GALK2: variants seen among roughly 807,000 people sequenced by gnomAD.
GALK2 encodes N-acetylgalactosamine kinase.
In GALK2, 36 loss-of-function variants were observed where a neutral mutation model predicts 52.4. That is an observed-to-expected ratio of 0.69 (90% CI 0.53 to 0.91). The LOEUF is 0.91. Among genes scored for constraint, GALK2 ranks in the 40% least tolerant of loss-of-function variants. The pLI, the probability that GALK2 is intolerant of heterozygous loss-of-function variation, is 0.00. For missense variants in GALK2, 579 were observed against 559.1 expected (o/e 1.04, Z -0.36); for synonymous variants, 176 against 199.1 (o/e 0.88, Z 0.98).
intron 3 of GALK2, among the ~76,000 whole-genome samples, chr15:49,356,188 A>T (rs2043137552): frequency 6.6e-6 from 1 of 152,168 alleles, no homozygotes; most frequent in South Asian, 2.1e-4. Context: ...TCAACTAACG[A>T]GCAAAATAAC....
intron 5 of GALK2, among the ~76,000 whole-genome samples, chr15:49,257,351 C>T (rs1257185828): frequency 6.6e-6 from 1 of 152,124 alleles, no homozygotes; most frequent in East Asian, 1.9e-4. Flanking sequence ...CTTACATTCT[C>T]AGATGAAGGA....
At chr15:49,295,609 C>T (rs1026055863) in intron 8 of GALK2, among the ~76,000 whole-genome samples, 12 of 152,092 alleles carry the variant, frequency 7.9e-5, no homozygotes, top group African/African-American at 2.7e-4. Context: ...TCTTCTAGTC[C>T]TGTCTTAACT....
intron 3 of GALK2, among the ~76,000 whole-genome samples, chr15:49,233,208 G>A (rs2090603427): frequency 6.6e-6 from 1 of 152,170 alleles, no homozygotes; most frequent in South Asian, 2.1e-4. Context: ...ATGGTGGAAG[G>A]CAAAGGGGAA....
intron 8 of GALK2, among the ~76,000 whole-genome samples, chr15:49,303,664 C>T (rs1384065926): frequency 1.3e-5 from 2 of 152,212 alleles, no homozygotes; most frequent in Non-Finnish European, 2.9e-5. Flanking sequence ...ACTCCAGCTG[C>T]CTCCTTGGCC....
At chr15:49,274,193 T>C (rs1394366263) in intron 5 of GALK2, among the ~76,000 whole-genome samples, 3 of 152,198 alleles carry the variant, frequency 2.0e-5, no homozygotes, top group Admixed American at 6.5e-5. Context: ...GATTTTGTCA[T>C]TGTGTCAACA....
At chr15:49,155,997 A>G (rs768166997) in exon 1 of GALK2, 1 of 1,614,188 alleles carries the variant, frequency 6.2e-7, no homozygotes, top group Non-Finnish European at 8.5e-7. Flanking sequence ...AAAGGCTGAC[A>G]TGCCCGTCCT....
At chr15:49,345,047 G>A (rs2041266310) in intron 3 of GALK2, among the ~76,000 whole-genome samples, 2 of 152,086 alleles carry the variant, frequency 1.3e-5, no homozygotes, top group Admixed American at 6.6e-5. Context: ...TTCTTCCTCA[G>A]AGTGCCTGTT....
chr15:49,169,845 A>C (rs989719318), upstream of GALK2, among the ~76,000 whole-genome samples: 1 of 152,246 alleles, frequency 6.6e-6, no homozygotes, highest in African/African-American at 2.4e-5. Context: ...TAAACATTTT[A>C]GTGTTGTTTG....
At chr15:49,191,402 C>T (rs988233972) in intron 1 of GALK2, among the ~76,000 whole-genome samples, 1 of 152,010 alleles carries the variant, frequency 6.6e-6, no homozygotes, top group African/African-American at 2.4e-5. Flanking sequence ...ACTTTAGTAC[C>T]AGTACTACAT....
At chr15:49,227,819 A>C (rs1266479899) in intron 3 of GALK2, among the ~76,000 whole-genome samples, 1 of 151,604 alleles carries the variant, frequency 6.6e-6, no homozygotes, top group Non-Finnish European at 1.5e-5. Flanking sequence ...AGTGGGCTTT[A>C]TACTTTTATG....
chr15:49,286,863 C>T (rs745937154), intron 7 of GALK2, among the ~76,000 whole-genome samples: 1 of 152,094 alleles, frequency 6.6e-6, no homozygotes, highest in Admixed American at 6.5e-5. Context: ...CCTAAGGAGA[C>T]CTCAAACATA....
At position 49,235,704 on chromosome 15, in the gene GALK2, A is replaced by C. The variant is rs927051978; in HGVS notation, c.267-147A>C. ...CTCTCTTAACTCTTAGCAGCTGGAG[A>C]TGTTTTGCTGTAGACACACAGTTTG... On this transcript the variant is annotated intron_variant, in intron 3 of 9. Coordinates refer to ENST00000560031, the MANE Select transcript of GALK2 (RefSeq NM_002044.4). The C allele has an allele frequency of 5.2e-6, 4 of 767,294 alleles. No individual in the cohort carries two copies. The Admixed American group carries it at 6.9e-5, about 13-fold the overall frequency. The allele number at this position is 767,294 out of a possible 1,614,324, so 47.5% of individuals were successfully genotyped here.
intron 3 of GALK2, chr15:49,365,726 A>G: frequency 1.1e-6 from 1 of 892,188 alleles, no homozygotes; most frequent in Non-Finnish European, 1.9e-6. Context: ...GCAATCTCCA[A>G]GATATCTTGT....
intron 3 of GALK2, among the ~76,000 whole-genome samples, chr15:49,353,190 T>C (rs1027083207): frequency 6.6e-6 from 1 of 152,202 alleles, no homozygotes; most frequent in Admixed American, 6.5e-5. Flanking sequence ...TTGAAATTTA[T>C]TTAGTCCAAT....
chr15:49,210,154 G>C (rs2088703702), intron 2 of GALK2, among the ~76,000 whole-genome samples: 1 of 151,448 alleles, frequency 6.6e-6, no homozygotes, highest in South Asian at 2.1e-4. Flanking sequence ...ATGATCCTTT[G>C]TATTTTGTGG....
rs1285245026 is a variant in GALK2, at chr15:49,194,033, A to G, written c.54-7129A>G. The stretch of plus-strand genomic sequence containing the variant: ...GATGTACTAGCATTCTTTATTAAAA[A>G]TTTACCTTTGTGGGCTGGGTGCAGA... On this transcript the variant is annotated intron_variant, in intron 1 of 9. Transcript: ENST00000560031. The G allele has an allele frequency of 2.0e-5, 3 of 152,056 alleles. No homozygotes were observed. In the East Asian group the frequency reaches 5.8e-4, roughly 30 times the overall value. The allele number at this position is 152,056 out of a possible 1,614,324, so 9.4% of individuals were successfully genotyped here. A position where few individuals can be genotyped will look rare whatever the true frequency, so the allele number is the denominator to read the frequency against.
chr15:49,265,694 G>A (rs1047397452), intron 5 of GALK2, among the ~76,000 whole-genome samples: 1 of 152,222 alleles, frequency 6.6e-6, no homozygotes, highest in African/African-American at 2.4e-5. Flanking sequence ...GAGCGGAGCT[G>A]TTCCTATTCG....
chr15:49,216,375 A>G (rs586758), intron 2 of GALK2, among the ~76,000 whole-genome samples: 110,288 of 152,128 alleles, frequency 0.72, 40,483 homozygotes, highest in African/African-American at 0.8. Flanking sequence ...CTTTACTTCG[A>G]CTGAGCTGGT....
At chr15:49,321,656 C>T (rs935965171) in intron 9 of GALK2, among the ~76,000 whole-genome samples, 1 of 152,158 alleles carries the variant, frequency 6.6e-6, no homozygotes, top group African/African-American at 2.4e-5. Flanking sequence ...CAGGAAGGCA[C>T]TAAGAGATGA....
Sources: gnomAD v4.1 joint callset for allele counts (sites outside exome capture counted in the v4.1 genomes callset) on GRCh38, gnomAD v4.1.1 for gene constraint, MANE v1.5 for transcripts, NCBI Gene and HGNC (gene_info 2026-07-23, HGNC 2026-07-21) for gene names.